TMEFF1: variants seen among roughly 807,000 people sequenced by gnomAD.
TMEFF1 encodes tomoregulin-1.
A neutral mutation model predicts 47.5 loss-of-function variants in TMEFF1; 20 were observed. The ratio of observed to expected loss-of-function variants is 0.42; its 90% CI spans 0.30 to 0.61. TMEFF1 has a LOEUF of 0.61. TMEFF1 is among the 20% of genes least tolerant of loss of function. The pLI, the probability that TMEFF1 is intolerant of heterozygous loss-of-function variation, is 0.19. For missense variants in TMEFF1, 411 were observed against 471.1 expected, an observed-to-expected ratio of 0.87 and a Z score of 1.18; for synonymous variants, 162 against 166.3, an observed-to-expected ratio of 0.97 and a Z score of 0.20.
chr9:100,519,452 C>G (rs1564016332), intron 5 of TMEFF1, among the ~76,000 whole-genome samples: 1 of 151,732 alleles, frequency 6.6e-6, no homozygotes, highest in Non-Finnish European at 1.5e-5. Context: ...AATTTATCTT[C>G]TAGTCTGATC....
intron 5 of TMEFF1, among the ~76,000 whole-genome samples, chr9:100,528,205 C>G (rs1332698574): frequency 2.0e-5 from 3 of 151,400 alleles, no homozygotes; most frequent in African/African-American, 7.3e-5. Context: ...CAAAGGAACA[C>G]AGTTCCTCAC....
At chr9:100,540,303 C>T (rs532315796) in intron 5 of TMEFF1, among the ~76,000 whole-genome samples, 5 of 152,336 alleles carry the variant, frequency 3.3e-5, no homozygotes, top group African/African-American at 7.2e-5. Flanking sequence ...TTGATTGGTG[C>T]GTTTACAATC....
chr9:100,560,325 AGGG>A (rs1838991006), intron 7 of TMEFF1, among the ~76,000 whole-genome samples: 10 of 152,054 alleles, frequency 6.6e-5, no homozygotes, highest in African/African-American at 2.4e-4. Context: ...CAGGTTTAAG[AGGG>A]TAGTATACTG....
At chr9:100,536,291 G>A (rs1208633476) in intron 5 of TMEFF1, among the ~76,000 whole-genome samples, 2 of 152,156 alleles carry the variant, frequency 1.3e-5, no homozygotes, top group East Asian at 3.8e-4. Flanking sequence ...TGTCTTGGAA[G>A]TTTTTATGCA....
At chr9:100,489,566 T>C (rs1027315784) in intron 1 of TMEFF1, among the ~76,000 whole-genome samples, 6 of 152,350 alleles carry the variant, frequency 3.9e-5, no homozygotes, top group African/African-American at 1.2e-4. Context: ...ACAAGTTTGT[T>C]GTAAAACTCA....
At chr9:100,572,862 T>C (rs927359174) in intron 9 of TMEFF1, among the ~76,000 whole-genome samples, 186 bp downstream of exon 9, 1 of 151,962 alleles carries the variant, frequency 6.6e-6, no homozygotes, top group Non-Finnish European at 1.5e-5. Flanking sequence ...CTTACAGGTA[T>C]ATCTGGGCGA....
At chr9:100,516,882 ATT>A in intron 5 of TMEFF1, 111 bp downstream of exon 5, 3 of 1,213,918 alleles carry the variant, frequency 2.5e-6, no homozygotes, top group Non-Finnish European at 2.2e-6. Flanking sequence ...GTGTTTTCAA[ATT>A]TTTTTTTTGT....
At chr9:100,490,836 G>GGTGTGTGTGTGTGTGT (rs10654628) in intron 1 of TMEFF1, among the ~76,000 whole-genome samples, 9 of 136,076 alleles carry the variant, frequency 6.6e-5, no homozygotes, top group African/African-American at 1.1e-4. Context: ...TTATATGTAT[G>GGTGTGTGTGTGTGTGT]GTGTGTGTGT....
intron 8 of TMEFF1, among the ~76,000 whole-genome samples, chr9:100,568,770 ATC>A (rs1453012121): frequency 1.3e-5 from 2 of 152,088 alleles, no homozygotes; most frequent in African/African-American, 4.8e-5. Context: ...TTTATTTTCT[ATC>A]TCTATAGACT....
At chr9:100,563,835 G>T (rs138969666) in intron 8 of TMEFF1, among the ~76,000 whole-genome samples, 1 of 152,080 alleles carries the variant, frequency 6.6e-6, no homozygotes, top group African/African-American at 2.4e-5. Flanking sequence ...TTTTTAAGAG[G>T]AATATCTTAA....
chr9:100,518,147 G>A (rs1265206139), intron 5 of TMEFF1, among the ~76,000 whole-genome samples: 1 of 152,076 alleles, frequency 6.6e-6, no homozygotes, highest in African/African-American at 2.4e-5. Flanking sequence ...ATTCCATCTA[G>A]TCTCAGAAGT....
intron 8 of TMEFF1, among the ~76,000 whole-genome samples, chr9:100,564,045 A>G (rs921302227): frequency 6.6e-6 from 1 of 152,068 alleles, no homozygotes; most frequent in African/African-American, 2.4e-5. Flanking sequence ...TTAGGTTAAA[A>G]TCTTCTAGCA....
intron 5 of TMEFF1, among the ~76,000 whole-genome samples, chr9:100,517,451 G>T (rs146431679): frequency 6.6e-6 from 1 of 151,888 alleles, no homozygotes; most frequent in East Asian, 1.9e-4. Flanking sequence ...TTCCAGTTCC[G>T]TATTTATTCA....
chr9:100,550,383 T>C (rs139260220), intron 7 of TMEFF1, among the ~76,000 whole-genome samples: 12 of 152,316 alleles, frequency 7.9e-5, no homozygotes, highest in African/African-American at 2.9e-4. Context: ...AAGTCTGTAT[T>C]GAGATAATTT....
chr9:100,564,454 A>G (rs891976512), intron 8 of TMEFF1, among the ~76,000 whole-genome samples: 7 of 152,208 alleles, frequency 4.6e-5, no homozygotes, highest in African/African-American at 1.7e-4. Flanking sequence ...GTCAAATTCA[A>G]CTATGACAGA....
Position 100,518,443 on chromosome 9 carries a change from G to C in TMEFF1, c.560+1672G>C, listed in dbSNP as rs564164494. The C allele has an allele frequency of 2.4e-5, 24 of 985,398 alleles. 1 individual carries two copies. In the South Asian group the frequency reaches 1.1e-3, roughly 46 times the overall value. The allele number at this position is 985,398 out of a possible 1,614,324, so 61.0% of individuals were successfully genotyped here. A position where few individuals can be genotyped will look rare whatever the true frequency, so the allele number is the denominator to read the frequency against. On this transcript the variant is annotated intron_variant, in intron 5 of 9. Coordinates refer to ENST00000374879, the MANE Select transcript of TMEFF1 (RefSeq NM_003692.5). ...AGATACCAGCTCTAAGCATAAGGAA[G>C]TGGACATAGACCATGGAAGGGCTTA...
intron 5 of TMEFF1, among the ~76,000 whole-genome samples, chr9:100,543,704 AACACACACACACACACACAC>A (rs36046142): frequency 7.2e-6 from 1 of 138,824 alleles, no homozygotes; most frequent in Non-Finnish European, 1.6e-5. Context: ...GATGAAGTAA[AACACACACACACACACACAC>A]ACACACACAC....
intron 8 of TMEFF1, among the ~76,000 whole-genome samples, chr9:100,571,051 C>T (rs1232372675): frequency 6.6e-6 from 1 of 152,036 alleles, no homozygotes; most frequent in Non-Finnish European, 1.5e-5. Context: ...AGATAATTTC[C>T]AAGATTAGCA....
chr9:100,550,820 G>C (rs938501799), intron 7 of TMEFF1, among the ~76,000 whole-genome samples: 1 of 152,232 alleles, frequency 6.6e-6, no homozygotes, highest in African/African-American at 2.4e-5. Context: ...CTCTGTGCTT[G>C]TCTAAAGAGT....
Sources: gnomAD v4.1 joint callset for allele counts (sites outside exome capture counted in the v4.1 genomes callset) on GRCh38, gnomAD v4.1.1 for gene constraint, MANE v1.5 for transcripts, NCBI Gene and HGNC (gene_info 2026-07-23, HGNC 2026-07-21) for gene names.